RNPC3: variants seen among roughly 807,000 people sequenced by gnomAD.
RNPC3 encodes RNA-binding region-containing protein 3.
Under a neutral mutation model 67.5 loss-of-function variants are expected in RNPC3, and 48 were observed. That is an observed-to-expected ratio of 0.71 (90% CI 0.56 to 0.90). RNPC3 has a LOEUF of 0.90. RNPC3 is among the 40% of genes least tolerant of loss of function. The pLI is 0.00. For missense variants in RNPC3, 637 were observed against 626.1 expected, an observed-to-expected ratio of 1.02 and a Z score of -0.19; for synonymous variants, 239 against 210.3, an observed-to-expected ratio of 1.14 and a Z score of -1.18.
chr1:103,527,746 T>C lies in RNPC3; in HGVS notation c.240+4T>C, dbSNP rs548015982. 2 of 1,541,982 alleles carry C rather than the reference T, an allele frequency of 1.3e-6. No individual in the cohort carries two copies. Among genetic ancestry groups the C allele is most frequent in the Admixed American group, 4.0e-5 (2 of 50,576 alleles). On this transcript the variant is annotated splice_donor_region_variant and intron_variant, in intron 2 of 14. Coordinates refer to ENST00000423855, the MANE Select transcript of RNPC3 (RefSeq NM_017619.4). Reference sequence around the variant, plus strand: ...TAATGAAAAAGCAGCTATAAAGGTATGACTTTTTCTTGACGATTAAAGTTG... The same window carrying C: ...TAATGAAAAAGCAGCTATAAAGGTACGACTTTTTCTTGACGATTAAAGTTG...
At chr1:103,529,914 C>T (rs1402363182) in intron 2 of RNPC3, among the ~76,000 whole-genome samples, 1 of 152,148 alleles carries the variant, frequency 6.6e-6, no homozygotes, top group Non-Finnish European at 1.5e-5. Flanking sequence ...GCTGCCTGAG[C>T]TCCACCTCCA....
chr1:103,541,411 C>A lies in RNPC3; in HGVS notation c.829C>A (p.Arg277Ser), dbSNP rs989973373. 2.0e-6 allele frequency: 3 copies of A among 1,495,948 alleles called. No homozygotes were observed. Among genetic ancestry groups the A allele is most frequent in the Admixed American group, 5.0e-5 (2 of 39,718 alleles). 92.7% of individuals were successfully genotyped at this position (1,495,948 alleles called of 1,614,324 possible). A position where few individuals can be genotyped will look rare whatever the true frequency, so the allele number is the denominator to read the frequency against. ...CAAAAGACCTAAAACAATAAAGCAG[C>A]GCCATGTGAGAAAAAAGAGAAAAAT... is the stretch of plus-strand genomic sequence containing the variant. Reference protein sequence around the residue: ...QPKRPKTIKQRHVRKKRKIKD... With the variant: ...QPKRPKTIKQSHVRKKRKIKD... Residue 277 changes from arginine to serine, a missense_variant, in exon 8 of 15, where the codon CGC becomes AGC. By Grantham distance (110) the Arg-to-Ser change is moderately radical. Around this residue, in one of 3 missense-constraint regions of RNPC3, gnomAD observed 536 missense variants for 500.3 expected, o/e 1.07. Transcript: ENST00000423855.
At chr1:103,528,366 G>C (rs1650766208) in intron 2 of RNPC3, among the ~76,000 whole-genome samples, 1 of 152,200 alleles carries the variant, frequency 6.6e-6, no homozygotes. Flanking sequence ...TCATGGATTG[G>C]ATGTGCAGAA....
intron 2 of RNPC3, 109 bp downstream of exon 2, chr1:103,527,851 AAC>A (rs1650756437): frequency 4.1e-6 from 3 of 735,124 alleles, no homozygotes; most frequent in Non-Finnish European, 6.7e-6. Context: ...TTTGTATTCC[AAC>A]AGTTTCCCCA....
intron 10 of RNPC3, chr1:103,545,943 A>C (rs910845410): frequency 6.4e-6 from 1 of 155,914 alleles, no homozygotes; most frequent in Non-Finnish European, 1.4e-5. Context: ...AGAAGTCTGA[A>C]ATTTTTAAAA....
At chr1:103,534,382 T>C (rs1650934278) in intron 3 of RNPC3, among the ~76,000 whole-genome samples, 1 of 152,046 alleles carries the variant, frequency 6.6e-6, no homozygotes, top group African/African-American at 2.4e-5. Flanking sequence ...GAAAATGTTG[T>C]AGAAGTCTAT....
intron 11 of RNPC3, 194 bp from the exon 12 acceptor site, chr1:103,546,783 G>T: frequency 2.2e-6 from 1 of 445,700 alleles, no homozygotes; most frequent in South Asian, 5.0e-5. Flanking sequence ...CACAATTTCT[G>T]CCTTTGTACA....
Position 103,530,785 on chromosome 1 carries a change from G to A in RNPC3, c.241-2954G>A, listed in dbSNP as rs140978917. Among the ~76,000 whole-genome samples the A allele has an allele frequency of 2.1e-4, 32 of 152,252 alleles. No individual in the cohort carries two copies. In the East Asian group the frequency reaches 5.8e-3, roughly 28 times the overall value. On this transcript the variant is annotated intron_variant, in intron 2 of 14. Coordinates refer to ENST00000423855, the MANE Select transcript of RNPC3 (RefSeq NM_017619.4). ...ATTGATGGTTGCCTTGACCACAATG[G>A]TAGTGGTTAGCGGTGATTAGATTCT...
intron 10 of RNPC3, 79 bp from the exon 11 acceptor site, chr1:103,546,169 G>A (rs1186821691): frequency 3.4e-6 from 2 of 590,766 alleles, no homozygotes; most frequent in Non-Finnish European, 5.3e-6. Context: ...TAACAATTAG[G>A]TTTCAAAATT....
In RNPC3 at chr1:103,550,970, G is replaced by C. The variant is rs568519704; in HGVS notation, c.1391G>C (p.Arg464Pro). ...MFDIRLMKEGRMKGQAFIGLP... is the reference protein window; with the variant it reads ...MFDIRLMKEGPMKGQAFIGLP... ...GATATACGTTTGATGAAAGAAGGTC[G>C]TATGAAAGGACAAGCTTTCATTGGA... The change falls in exon 13 of 15, where the codon CGT (arginine) becomes CCT (proline). Residue 464 changes from arginine (R) to proline (P), a missense_variant. Around this residue, in one of 3 missense-constraint regions of RNPC3, gnomAD observed 96 missense variants for 105.8 expected, o/e 0.91. Coordinates refer to ENST00000423855, the MANE Select transcript of RNPC3 (RefSeq NM_017619.4). The C allele has an allele frequency of 6.2e-7, 1 of 1,611,154 alleles. No homozygotes were observed. The highest frequency in any genetic ancestry group is 1.7e-5 in the Admixed American group (1 of 59,976).
chr1:103,548,561 C>A (rs1651304834), intron 12 of RNPC3, among the ~76,000 whole-genome samples: 1 of 152,176 alleles, frequency 6.6e-6, no homozygotes, highest in Non-Finnish European at 1.5e-5. Context: ...CCACCTCAGC[C>A]TGTATTTCAT....
chr1:103,541,291 G>A (rs1431353103), intron 7 of RNPC3, 59 bp from the exon 8 acceptor site: 13 of 1,280,866 alleles, frequency 1.0e-5, no homozygotes, highest in Non-Finnish European at 1.3e-5. Flanking sequence ...TAGAAACAGT[G>A]GTAAATAGCT....
intron 12 of RNPC3, among the ~76,000 whole-genome samples, 174 bp from the exon 13 acceptor site, chr1:103,550,767 G>T (rs1315856548): frequency 1.3e-5 from 2 of 151,940 alleles, no homozygotes; most frequent in African/African-American, 4.8e-5. Flanking sequence ...CCTACTTGTA[G>T]AATCAATTTT....
intron 14 of RNPC3, chr1:103,553,374 A>G (rs909601880): frequency 2.0e-5 from 3 of 152,188 alleles, no homozygotes; most frequent in Non-Finnish European, 4.4e-5. Context: ...TTTTCCTAGA[A>G]ATGTTTGTCC....
chr1:103,544,327 C>T (rs1233559935), intron 9 of RNPC3, among the ~76,000 whole-genome samples: 1 of 151,776 alleles, frequency 6.6e-6, no homozygotes, highest in Non-Finnish European at 1.5e-5. Context: ...TAGCGGCCTC[C>T]ATGGAGAAGT....
chr1:103,527,052 A>G (rs1369746411), intron 1 of RNPC3, among the ~76,000 whole-genome samples: 1 of 152,184 alleles, frequency 6.6e-6, no homozygotes, highest in African/African-American at 2.4e-5. Flanking sequence ...GCTCAATTTA[A>G]GTACATCAGG....
chr1:103,552,876 G>T (rs1278326457), intron 14 of RNPC3: 1 of 152,096 alleles, frequency 6.6e-6, no homozygotes, highest in Non-Finnish European at 1.5e-5. Flanking sequence ...TAATTTTAGT[G>T]CATACTTAAT....
At position 103,542,120 on chromosome 1, in the gene RNPC3, A is replaced by G. The variant is rs138925597; in HGVS notation, c.893+645A>G. On this transcript the variant is annotated intron_variant, in intron 8 of 14. Coordinates refer to ENST00000423855, the MANE Select transcript of RNPC3 (RefSeq NM_017619.4). ...TGAGTTAATAGTCTTAAGTATAATA[A>G]GCCAAATGCACAGATGATTATTGCA... Among the ~76,000 whole-genome samples, 519 of 152,196 alleles carry G rather than the reference A, an allele frequency of 3.4e-3. 5 individuals are homozygous for G. The highest frequency in any genetic ancestry group is 0.02 in the East Asian group (104 of 5,192).
At chr1:103,550,795 A>G (rs1212899324) in intron 12 of RNPC3, 146 bp from the exon 13 acceptor site, 1 of 725,230 alleles carries the variant, frequency 1.4e-6, no homozygotes, top group East Asian at 2.8e-5. Context: ...AACATGAAAT[A>G]TATTTTTAGA....
Sources: gnomAD v4.1 joint callset for allele counts (sites outside exome capture counted in the v4.1 genomes callset) on GRCh38, gnomAD v4.1.1 for gene constraint, gnomAD v4.1.1 regional missense constraint, MANE v1.5 for transcripts, NCBI Gene and HGNC (gene_info 2026-07-23, HGNC 2026-07-21) for gene names.